GLI2: variants seen among roughly 807,000 people sequenced by gnomAD.
GLI2 encodes the protein transcription activator GLI2.
Under a neutral mutation model 78.9 loss-of-function variants are expected in GLI2, and 22 were observed. The ratio of observed to expected loss-of-function variants is 0.28; its 90% CI spans 0.20 to 0.40. The LOEUF is 0.40. GLI2 is among the 10% of genes least tolerant of loss of function. The pLI, the probability that GLI2 is intolerant of heterozygous loss-of-function variation, is 1.00. For missense variants in GLI2, 2,097 were observed against 2,213.2 expected, an observed-to-expected ratio of 0.95 and a Z score of 1.05; for synonymous variants, 974 against 963.7, an observed-to-expected ratio of 1.01 and a Z score of -0.20.
rs1348180947 is a variant in GLI2, at chr2:120,760,204, G to A, written c.-31+23919G>A. Among the ~76,000 whole-genome samples, 3 of 152,166 alleles carry A rather than the reference G, an allele frequency of 2.0e-5. No individual in the cohort carries two copies. The East Asian group carries it at 5.8e-4, about 29-fold the overall frequency. ...CAGTTCCTGTCTCTGTCTGATGAAT[G>A]GGATGTGTTAGATAGTCTGGGGCCC... is the stretch of plus-strand genomic sequence containing the variant. On this transcript the variant is annotated intron_variant, in intron 1 of 13. Coordinates refer to ENST00000361492, the MANE Select transcript of GLI2 (RefSeq NM_001374353.1).
At chr2:120,812,912 TC>T (rs1163003998) in intron 2 of GLI2, among the ~76,000 whole-genome samples, 3 of 152,184 alleles carry the variant, frequency 2.0e-5, no homozygotes, top group Non-Finnish European at 2.9e-5. Flanking sequence ...AGTCTTCTCT[TC>T]TTTCTGTGTG....
intron 8 of GLI2, among the ~76,000 whole-genome samples, chr2:120,973,101 C>A (rs1326098356): frequency 2.0e-5 from 3 of 152,160 alleles, no homozygotes; most frequent in African/African-American, 7.2e-5. Flanking sequence ...AAACTGTGAA[C>A]CATCAGGCAT....
intron 10 of GLI2, among the ~76,000 whole-genome samples, chr2:120,980,829 TAG>T (rs1682684733): frequency 6.6e-6 from 1 of 152,134 alleles, no homozygotes; most frequent in African/African-American, 2.4e-5. Flanking sequence ...TATGTGTGTA[TAG>T]AGAGTTTTAT....
chr2:120,938,375 GA>G lies in GLI2; in HGVS notation c.254+10910del, dbSNP rs1680294087. Among the ~76,000 whole-genome samples the G allele has an allele frequency of 2.0e-5, 3 of 152,208 alleles. No homozygotes were observed. The South Asian group carries it at 6.2e-4, about 32-fold the overall frequency. On this transcript the variant is annotated intron_variant, in intron 3 of 13. Transcript: ENST00000361492. ...TTTGGGTTTTCTGTTTGCAAAAACT[GA>G]TAACCTTCTTATTCTGCTCCCAGGG...
intron 2 of GLI2, among the ~76,000 whole-genome samples, chr2:120,852,698 T>A (rs543333703): frequency 6.6e-6 from 1 of 152,336 alleles, no homozygotes; most frequent in East Asian, 1.9e-4. Flanking sequence ...TCCACCATTA[T>A]AGGTTCATTC....
chr2:120,819,139 G>A (rs1434534748), intron 2 of GLI2, among the ~76,000 whole-genome samples: 2 of 151,946 alleles, frequency 1.3e-5, no homozygotes, highest in Non-Finnish European at 2.9e-5. Flanking sequence ...TGGTAGAGTT[G>A]CCTTTTAGGA....
chr2:120,787,814 GGGC>G (rs1264479734), intron 1 of GLI2, among the ~76,000 whole-genome samples: 88 of 152,308 alleles, frequency 5.8e-4, no homozygotes, highest in African/African-American at 2.0e-3. Context: ...CTAGGCTTCA[GGGC>G]TCTCCAGGGA....
intron 3 of GLI2, among the ~76,000 whole-genome samples, chr2:120,945,638 C>CCT (rs1045421922): frequency 6.6e-6 from 1 of 152,132 alleles, no homozygotes; most frequent in African/African-American, 2.4e-5. Context: ...ACTGGCTCAT[C>CCT]CTCTCTCAGC....
chr2:120,963,652 G>T (rs1421272993), intron 5 of GLI2, among the ~76,000 whole-genome samples: 1 of 152,086 alleles, frequency 6.6e-6, no homozygotes, highest in Non-Finnish European at 1.5e-5. Context: ...CTCCCATGCA[G>T]GGGGCCCTCC....
chr2:120,776,945 C>T (rs1391183875), intron 1 of GLI2, among the ~76,000 whole-genome samples: 1 of 152,230 alleles, frequency 6.6e-6, no homozygotes, highest in Non-Finnish European at 1.5e-5. Context: ...CCTCCTCTCA[C>T]AGCTGGGAGC....
chr2:120,850,474 G>C (rs1687349923), intron 2 of GLI2, among the ~76,000 whole-genome samples: 1 of 152,168 alleles, frequency 6.6e-6, no homozygotes. Context: ...AGATGGGAGG[G>C]GACAATAAGG....
intron 1 of GLI2, among the ~76,000 whole-genome samples, chr2:120,776,702 T>C (rs1198089139): frequency 2.6e-5 from 4 of 151,894 alleles, no homozygotes; most frequent in Admixed American, 2.6e-4. Context: ...TGTGAGGCTG[T>C]GAGGTTAGAG....
At chr2:120,986,166 C>T (rs1037813703) in intron 12 of GLI2, 112 bp from the exon 13 acceptor site, 7 of 938,806 alleles carry the variant, frequency 7.5e-6, no homozygotes, top group South Asian at 4.1e-5. Flanking sequence ...CCTTCCCTCA[C>T]CCTCAGCCCC....
intron 9 of GLI2, 129 bp downstream of exon 9, chr2:120,975,238 C>G: frequency 1.2e-6 from 1 of 810,688 alleles, no homozygotes; most frequent in Non-Finnish European, 2.0e-6. Flanking sequence ...GCCTGGGCCA[C>G]ATCCCCTGCA....
chr2:120,977,415 T>C (rs1558931127), intron 9 of GLI2, among the ~76,000 whole-genome samples: 1 of 152,238 alleles, frequency 6.6e-6, no homozygotes, highest in South Asian at 2.1e-4. Flanking sequence ...TTTTCCATTC[T>C]AAGTCTTTGA....
chr2:120,910,612 T>C (rs1678768779), intron 2 of GLI2, among the ~76,000 whole-genome samples: 1 of 152,182 alleles, frequency 6.6e-6, no homozygotes, highest in African/African-American at 2.4e-5. Flanking sequence ...ACAAGCAGCA[T>C]GCTAACAACC....
intron 2 of GLI2, among the ~76,000 whole-genome samples, chr2:120,818,439 C>A (rs1685608075): frequency 6.6e-6 from 1 of 152,222 alleles, no homozygotes; most frequent in Non-Finnish European, 1.5e-5. Flanking sequence ...AGTCTGGGTG[C>A]ATTTAGTGCA....
chr2:120,903,355 CA>C (rs35010304), intron 2 of GLI2, among the ~76,000 whole-genome samples: 45,049 of 147,888 alleles, frequency 0.3, 6,899 homozygotes, highest in South Asian at 0.47. Context: ...GACTCCATCT[CA>C]AAAAAAAAAA....
In GLI2 at chr2:120,896,322, C is replaced by T. The variant is rs377548968; in HGVS notation, c.149-31039C>T. The stretch of plus-strand genomic sequence containing the variant: ...CAGACACACCAGGGGTGTGGGTAGG[C>T]GAGGGCCATGACCCCAGAAGGCTGT... On this transcript the variant is annotated intron_variant, in intron 2 of 13. Transcript: ENST00000361492. Among the ~76,000 whole-genome samples the T allele has an allele frequency of 1.2e-4, 19 of 152,078 alleles. 1 individual carries two copies. In the East Asian group the frequency reaches 2.7e-3, roughly 22 times the overall value.
Sources: allele counts gnomAD v4.1 joint callset (sites outside exome capture counted in the v4.1 genomes callset), GRCh38; gene constraint gnomAD v4.1.1; transcripts MANE v1.5; gene names NCBI Gene and HGNC (gene_info 2026-07-23, HGNC 2026-07-21).